CEP128: variants seen among roughly 807,000 people sequenced by gnomAD.
The protein encoded by CEP128 is centrosomal protein 128, also known as centrosomal protein 128kDa.
Under a neutral mutation model 156.7 loss-of-function variants are expected in CEP128, and 132 were observed. That is an observed-to-expected ratio of 0.84 (90% CI 0.73 to 0.97). The LOEUF (loss-of-function observed/expected upper bound fraction) is 0.97, where lower values mean the gene tolerates loss of function less well. Ranked by LOEUF, CEP128 falls within the 50% of genes least tolerant of loss-of-function variation. The pLI, the probability that CEP128 is intolerant of heterozygous loss-of-function variation, is 0.00. For synonymous variants in CEP128, 469 were observed against 448.9 expected, an observed-to-expected ratio of 1.04 and a Z score of -0.57; for missense variants, 1,252 against 1,281.9, an observed-to-expected ratio of 0.98 and a Z score of 0.36.
intron 18 of CEP128, among the ~76,000 whole-genome samples, chr14:80,743,898 A>G (rs1468444166): frequency 1.3e-5 from 2 of 148,622 alleles, no homozygotes; most frequent in Non-Finnish European, 3.0e-5. Flanking sequence ...TCGAGACATA[A>G]TCTCACTCTG....
chr14:80,950,467 G>A (rs1248145590), intron 2 of CEP128, among the ~76,000 whole-genome samples: 1 of 152,128 alleles, frequency 6.6e-6, no homozygotes, highest in Non-Finnish European at 1.5e-5. Context: ...TGAACTTCTG[G>A]AGATGGAAAT....
At chr14:80,667,266 A>T (rs1230918535) in intron 19 of CEP128, among the ~76,000 whole-genome samples, 1 of 152,196 alleles carries the variant, frequency 6.6e-6, no homozygotes, top group Non-Finnish European at 1.5e-5. Flanking sequence ...GGCTGACTGA[A>T]GCTGAAAGGC....
intron 19 of CEP128, among the ~76,000 whole-genome samples, chr14:80,589,966 T>C (rs1167023737): frequency 6.6e-6 from 1 of 152,118 alleles, no homozygotes; most frequent in Non-Finnish European, 1.5e-5. Flanking sequence ...AATTTGAAAA[T>C]TCAGGTAACA....
At chr14:80,486,520 G>A (rs919262337), downstream of CEP128, among the ~76,000 whole-genome samples, 18 of 151,520 alleles carry the variant, frequency 1.2e-4, no homozygotes, top group Non-Finnish European at 1.6e-4. Context: ...TACAGAGAAC[G>A]CCCCAAAGAT....
intron 19 of CEP128, among the ~76,000 whole-genome samples, chr14:80,597,571 T>G (rs1892384186): frequency 6.6e-6 from 1 of 151,694 alleles, no homozygotes; most frequent in African/African-American, 2.4e-5. Flanking sequence ...TTTATTTTAT[T>G]TAGCCTATTT....
intron 21 of CEP128, among the ~76,000 whole-genome samples, chr14:80,548,369 A>G (rs59494266): frequency 0.01 from 1,547 of 151,116 alleles, 33 homozygotes; most frequent in African/African-American, 0.037. Flanking sequence ...AAAATTCTCC[A>G]TATTAGTTTT....
At chr14:80,517,661 G>A (rs1888550746) in intron 23 of CEP128, among the ~76,000 whole-genome samples, 1 of 152,122 alleles carries the variant, frequency 6.6e-6, no homozygotes, top group Admixed American at 6.5e-5. Context: ...TGTTCTTAGA[G>A]CTCCCAAGAT....
intron 19 of CEP128, among the ~76,000 whole-genome samples, chr14:80,587,893 T>G (rs1164652023): frequency 6.6e-6 from 1 of 152,138 alleles, no homozygotes; most frequent in African/African-American, 2.4e-5. Flanking sequence ...AATGGGAAGT[T>G]TGCTTTCATT....
At chr14:80,499,060 C>G (rs980142637) in intron 24 of CEP128, among the ~76,000 whole-genome samples, 7 of 152,164 alleles carry the variant, frequency 4.6e-5, no homozygotes, top group Admixed American at 4.6e-4. Flanking sequence ...TAAAATAAAC[C>G]TGTAAAATGA....
chr14:80,483,038 CATATCCT>C lies in CEP128; in HGVS notation c.*311-4638_*311-4632del, dbSNP rs1315785982. ...GAAAGCTCAGCAAAGACTGACCTGC[CATATCCT>C]ATAGGGGGTGAAGCACAACTTACTG... On this transcript the variant is annotated intron_variant and NMD_transcript_variant, in intron 14 of 14. Transcript: ENST00000554502. 3.3e-5 allele frequency among the ~76,000 whole-genome samples: 5 copies of C among 152,272 alleles called. No individual in the cohort carries two copies. The East Asian group carries it at 9.7e-4, about 29-fold the overall frequency.
chr14:80,488,670 A>G (rs1409755022), downstream of CEP128, among the ~76,000 whole-genome samples: 1 of 152,180 alleles, frequency 6.6e-6, no homozygotes, highest in African/African-American at 2.4e-5. Flanking sequence ...TGTTGCTATA[A>G]AGACACATGC....
intron 8 of CEP128, among the ~76,000 whole-genome samples, chr14:80,885,521 C>T (rs891069619): frequency 2.6e-5 from 4 of 152,118 alleles, no homozygotes; most frequent in Non-Finnish European, 4.4e-5. Context: ...CTCCAGCAGA[C>T]CTGCAGAAGA....
chr14:80,892,366 A>C (rs932354740), intron 8 of CEP128, among the ~76,000 whole-genome samples: 1 of 151,902 alleles, frequency 6.6e-6, no homozygotes, highest in African/African-American at 2.4e-5. Flanking sequence ...CACACAAAAG[A>C]ATCTGAACCT....
At chr14:80,881,798 T>G (rs758258746) in intron 8 of CEP128, among the ~76,000 whole-genome samples, 1 of 152,140 alleles carries the variant, frequency 6.6e-6, no homozygotes, top group Non-Finnish European at 1.5e-5. Context: ...ATACATCATA[T>G]AAACAGAATG....
At position 80,496,937 on chromosome 14, in the gene CEP128, A is replaced by G. The variant is rs1887517993; in HGVS notation, c.*542T>C. On this transcript the variant is annotated 3_prime_UTR_variant, in exon 25 of 25. Transcript: ENST00000555265. ...TACGGTATGCAGTTGTGGACTGTTAAGATGATAGATATAAAAGTCCTGAGC... is the reference window on the plus strand; with the variant it reads ...TACGGTATGCAGTTGTGGACTGTTAGGATGATAGATATAAAAGTCCTGAGC... 1 of 152,416 alleles carries G rather than the reference A, an allele frequency of 6.6e-6. No homozygotes were observed. The highest frequency in any genetic ancestry group is 2.1e-4 in the South Asian group (1 of 4,844). The allele number at this position is 152,416 out of a possible 1,614,324, so 9.4% of individuals were successfully genotyped here.
chr14:80,724,998 CATATATATATATACATATATGATATAT>C (rs1229614947), intron 19 of CEP128, among the ~76,000 whole-genome samples: 2 of 143,804 alleles, frequency 1.4e-5, no homozygotes, highest in African/African-American at 2.6e-5. Flanking sequence ...ATACATATAT[CATATATATATATACATATATGATATAT>C]ATATATATAT....
intron 21 of CEP128, among the ~76,000 whole-genome samples, chr14:80,531,157 T>C (rs534656104): frequency 1.6e-4 from 24 of 152,346 alleles, no homozygotes; most frequent in Non-Finnish European, 2.9e-4. Context: ...TCAACTGATA[T>C]GCTATGAAAC....
intron 19 of CEP128, among the ~76,000 whole-genome samples, chr14:80,680,259 G>T (rs1036326148): frequency 1.5e-4 from 23 of 152,276 alleles, no homozygotes; most frequent in Admixed American, 1.0e-3. Context: ...GAACTAATCT[G>T]CATGTGCCAT....
At chr14:80,624,752 C>T (rs568927336) in intron 19 of CEP128, among the ~76,000 whole-genome samples, 5 of 152,130 alleles carry the variant, frequency 3.3e-5, no homozygotes, top group African/African-American at 1.2e-4. Flanking sequence ...AGACCCTTGG[C>T]CCATTTTTTA....
Sources: allele counts gnomAD v4.1 joint callset (sites outside exome capture counted in the v4.1 genomes callset), GRCh38; gene constraint gnomAD v4.1.1; transcripts MANE v1.5; gene names NCBI Gene and HGNC (gene_info 2026-07-23, HGNC 2026-07-21).